Variants in PLBD2 observed in about 807,000 individuals in gnomAD.
PLBD2 encodes phospholipase B domain containing 2, also known as putative aminopeptidase PLBD2.
PLBD2 carries 51 observed loss-of-function variants against 68.3 expected under a neutral mutation model. The ratio of observed to expected loss-of-function variants is 0.75; its 90% CI spans 0.60 to 0.94. The LOEUF (loss-of-function observed/expected upper bound fraction) is 0.94, where lower values mean the gene tolerates loss of function less well. Among genes scored for constraint, PLBD2 ranks in the 40% least tolerant of loss-of-function variants. PLBD2 has a pLI of 0.00. For missense variants in PLBD2, 729 were observed against 792.2 expected (o/e 0.92, Z 0.96); for synonymous variants, 314 against 339.3 (o/e 0.93, Z 0.82).
Position 113,385,224 on chromosome 12 carries a change from G to A in PLBD2, c.1227G>A (p.Val409=), listed in dbSNP as rs998841674. 2.5e-6 allele frequency: 4 copies of A among 1,614,036 alleles called. No homozygotes were observed. Among genetic ancestry groups the A allele is most frequent in the Middle Eastern group, 1.6e-4 (1 of 6,084 alleles). Residue 409 remains valine (V), a synonymous_variant, in exon 9 of 12, where the codon GTG becomes GTA. Transcript: ENST00000280800. ...TTCTCGGTCTCAGCGGCATGGTGGT[G>A]GTGGCTGACAAGACCTCGGAGCTCT... is the stretch of plus-strand genomic sequence containing the variant. ...TILEQIPGMV[V]VADKTSELYQ... is the part of the protein sequence containing the mutation.
At chr12:113,374,370 C>A in intron 3 of PLBD2, 104 bp from the exon 4 acceptor site, 1 of 765,422 alleles carries the variant, frequency 1.3e-6, no homozygotes, top group Non-Finnish European at 2.2e-6. Context: ...CCCGGGCCTC[C>A]TGCTCTGTCT....
intron 1 of PLBD2, among the ~76,000 whole-genome samples, chr12:113,366,037 C>T (rs1364504537): frequency 6.6e-6 from 1 of 152,160 alleles, no homozygotes; most frequent in Non-Finnish European, 1.5e-5. Flanking sequence ...ATCATTCATC[C>T]TTAGATACCC....
chr12:113,388,235 A>G lies in PLBD2; in HGVS notation c.1603-224A>G, dbSNP rs557100993. Among the ~76,000 whole-genome samples the G allele has an allele frequency of 2.0e-5, 3 of 152,112 alleles. No individual in the cohort carries two copies. In the South Asian group the frequency reaches 6.2e-4, roughly 32 times the overall value. On this transcript the variant is annotated intron_variant, in intron 11 of 11. Transcript: ENST00000280800. ...CGGGCGTCTGTAATCCCAGCTACTC[A>G]GGAGGCTGAGGCATGAGAATTGCTT...
At chr12:113,386,335 C>T (rs988487600) in intron 9 of PLBD2, among the ~76,000 whole-genome samples, 4 of 148,196 alleles carry the variant, frequency 2.7e-5, no homozygotes, top group African/African-American at 2.5e-5. Context: ...ATTACAGGCA[C>T]GTGCCACCAC....
intron 1 of PLBD2, among the ~76,000 whole-genome samples, chr12:113,362,112 G>A (rs12815547): frequency 0.037 from 5,585 of 152,216 alleles, 152 homozygotes; most frequent in Middle Eastern, 0.092. Flanking sequence ...TTGGGAGACC[G>A]AGGCAGGAGG....
intron 1 of PLBD2, among the ~76,000 whole-genome samples, 171 bp from the exon 2 acceptor site, chr12:113,368,945 G>A (rs1009527118): frequency 6.6e-6 from 1 of 152,204 alleles, no homozygotes; most frequent in Admixed American, 6.5e-5. Flanking sequence ...CTTTGAGCCA[G>A]TAGTTCCTCT....
intron 1 of PLBD2, among the ~76,000 whole-genome samples, chr12:113,365,171 G>C (rs1317675625): frequency 6.6e-6 from 1 of 152,174 alleles, no homozygotes; most frequent in East Asian, 1.9e-4. Flanking sequence ...GAGGCGCAGA[G>C]CATTCACTCA....
At chr12:113,374,666 C>G (rs1957422308) in intron 4 of PLBD2, 92 bp downstream of exon 4, 17 of 1,450,576 alleles carry the variant, frequency 1.2e-5, no homozygotes, top group Non-Finnish European at 1.5e-5. Context: ...CCTTGCCACT[C>G]CCTGGCTCTG....
intron 6 of PLBD2, among the ~76,000 whole-genome samples, chr12:113,382,894 T>G (rs1957509868): frequency 7.5e-6 from 1 of 133,280 alleles, no homozygotes; most frequent in Admixed American, 8.0e-5. Context: ...TTTTTTTAGA[T>G]AGGCTCTCTC....
At position 113,387,813 on chromosome 12, in the gene PLBD2, T is replaced by C; in HGVS notation, c.1509T>C (p.Asn503=). The change falls in exon 11 of 12, where the codon AAT becomes AAC. Residue 503 remains asparagine (N), a synonymous_variant. Transcript: ENST00000280800. ...KACNPQPNGE[N]AISARSDLNP... is the part of the protein sequence containing the mutation. ...GCAACCCCCAGCCCAATGGGGAGAA[T>C]GCTATCTCCGCCCGCTCCGACCTCA... 6.2e-7 allele frequency: 1 copy of C among 1,613,982 alleles called. No homozygotes were observed. Among genetic ancestry groups the C allele is most frequent in the Non-Finnish European group, 8.5e-7 (1 of 1,179,866 alleles).
chr12:113,379,238 G>A (rs1283442259), intron 5 of PLBD2, among the ~76,000 whole-genome samples: 1 of 149,804 alleles, frequency 6.7e-6, no homozygotes, highest in Non-Finnish European at 1.5e-5. Flanking sequence ...AACCTGGGAG[G>A]CAGAGGTTGC....
intron 5 of PLBD2, among the ~76,000 whole-genome samples, chr12:113,378,723 T>C (rs1286424722): frequency 6.6e-6 from 1 of 151,722 alleles, no homozygotes; most frequent in African/African-American, 2.4e-5. Flanking sequence ...TCTCACTCTG[T>C]TGCCCAGGCT....
chr12:113,362,400 A>C (rs754852904), intron 1 of PLBD2, among the ~76,000 whole-genome samples: 3 of 152,010 alleles, frequency 2.0e-5, no homozygotes, highest in Non-Finnish European at 4.4e-5. Context: ...AATGGAGAGC[A>C]TCCAAGGCCA....
chr12:113,382,835 T>TTTTTTTTGTGTG (rs1335785271), intron 6 of PLBD2, among the ~76,000 whole-genome samples: 1 of 106,536 alleles, frequency 9.4e-6, no homozygotes. Flanking sequence ...TGGTGGTTTT[T>TTTTTTTTGTGTG]TGTGTGTGTG....
In PLBD2 at chr12:113,388,746, G is replaced by T; in HGVS notation, c.*120G>T. 1 of 1,129,046 alleles carries T rather than the reference G, an allele frequency of 8.9e-7. No individual in the cohort carries two copies. Among genetic ancestry groups the T allele is most frequent in the Non-Finnish European group, 1.2e-6 (1 of 824,688 alleles). The allele number at this position is 1,129,046 out of a possible 1,614,324, so 69.9% of individuals were successfully genotyped here. ...TGGGGGCTTCGTTCTCTGATCTGGG[G>T]TCTGAGTCATCTCCTCCTAGAGTGG... On this transcript the variant is annotated 3_prime_UTR_variant, in exon 12 of 12. Coordinates refer to ENST00000280800, the MANE Select transcript of PLBD2 (RefSeq NM_173542.4).
rs764121180 is a variant in PLBD2, at chr12:113,387,108, G to A, written c.1439+19G>A. 1.9e-6 allele frequency: 3 copies of A among 1,554,740 alleles called. No homozygotes were observed. The highest frequency in any genetic ancestry group is 2.6e-6 in the Non-Finnish European group (3 of 1,151,358). On this transcript the variant is annotated intron_variant, in intron 10 of 11. Transcript: ENST00000280800. The stretch of plus-strand genomic sequence containing the variant: ...TGATGAGGTAGGTGCCAGTTGGGTG[G>A]TGGGTTGGGGAGAGGGAGGCCGCAG...
chr12:113,364,890 C>T (rs190364389), intron 1 of PLBD2, among the ~76,000 whole-genome samples: 37 of 152,244 alleles, frequency 2.4e-4, no homozygotes, highest in African/African-American at 8.4e-4. Flanking sequence ...ACCGAGGCCC[C>T]GAGAGGTAAA....
At chr12:113,370,472 C>CTTTT (rs71086162) in intron 2 of PLBD2, among the ~76,000 whole-genome samples, 288 of 103,620 alleles carry the variant, frequency 2.8e-3, no homozygotes, top group Non-Finnish European at 3.8e-3. Context: ...TTTTTCTTTT[C>CTTTT]TTTTTTTTTT....
chr12:113,371,970 A>T (rs767244896), intron 2 of PLBD2, among the ~76,000 whole-genome samples: 1 of 152,212 alleles, frequency 6.6e-6, no homozygotes, highest in African/African-American at 2.4e-5. Context: ...TAGGACAGGC[A>T]GTGGGGAAAT....
Sources: allele counts gnomAD v4.1 joint callset (sites outside exome capture counted in the v4.1 genomes callset), GRCh38; gene constraint gnomAD v4.1.1; transcripts MANE v1.5; gene names NCBI Gene and HGNC (gene_info 2026-07-23, HGNC 2026-07-21).